CDKAL1: variants seen among roughly 807,000 people sequenced by gnomAD.
CDKAL1 encodes the protein threonylcarbamoyladenosine tRNA methylthiotransferase.
A neutral mutation model predicts 68.2 loss-of-function variants in CDKAL1; 32 were observed. That is an observed-to-expected ratio of 0.47 (90% CI 0.35 to 0.63). The LOEUF is 0.63. Ranked by LOEUF, CDKAL1 falls within the 30% of genes least tolerant of loss-of-function variation. The pLI, the probability that CDKAL1 is intolerant of heterozygous loss-of-function variation, is 0.00. For missense variants in CDKAL1, 606 were observed against 696.7 expected (o/e 0.87, Z 1.47); for synonymous variants, 234 against 244.3 (o/e 0.96, Z 0.39).
chr6:21,009,370 A>G (rs1767895036), intron 11 of CDKAL1, among the ~76,000 whole-genome samples: 1 of 152,230 alleles, frequency 6.6e-6, no homozygotes, highest in Non-Finnish European at 1.5e-5. Flanking sequence ...TGGACATTTA[A>G]TACAACATTC....
intron 5 of CDKAL1, among the ~76,000 whole-genome samples, chr6:20,699,855 T>C (rs1318737143): frequency 1.3e-5 from 2 of 152,216 alleles, no homozygotes; most frequent in Admixed American, 6.5e-5. Flanking sequence ...ATTTTACCTG[T>C]CTACTGAGTT....
chr6:21,061,244 C>G (rs1488621368), intron 11 of CDKAL1, among the ~76,000 whole-genome samples: 2 of 152,066 alleles, frequency 1.3e-5, no homozygotes, highest in South Asian at 2.1e-4. Context: ...ACCTTTCTTA[C>G]TCCATTCCCA....
intron 9 of CDKAL1, among the ~76,000 whole-genome samples, chr6:20,953,037 TC>T (rs1764610919): frequency 6.6e-6 from 1 of 152,244 alleles, no homozygotes. Context: ...TCTCCTCAAG[TC>T]CAAGGGTTTC....
chr6:20,662,560 C>G (rs1769337987), intron 5 of CDKAL1, among the ~76,000 whole-genome samples: 1 of 152,132 alleles, frequency 6.6e-6, no homozygotes, highest in Admixed American at 6.6e-5. Flanking sequence ...TGCAGCACCA[C>G]TGTGTGTGGC....
At chr6:21,038,870 A>G (rs183105671) in intron 11 of CDKAL1, among the ~76,000 whole-genome samples, 1,683 of 152,274 alleles carry the variant, frequency 0.011, 12 homozygotes, top group Middle Eastern at 0.02. Context: ...TACTTTTCTC[A>G]TCTATGAATG....
intron 10 of CDKAL1, among the ~76,000 whole-genome samples, chr6:20,988,875 G>C (rs1375428393): frequency 6.7e-6 from 1 of 150,238 alleles, no homozygotes; most frequent in African/African-American, 2.4e-5. Flanking sequence ...GGCCAGGATG[G>C]TCTTGATCTC....
chr6:20,778,222 A>G (rs1775259130), intron 7 of CDKAL1, among the ~76,000 whole-genome samples: 2 of 152,218 alleles, frequency 1.3e-5, no homozygotes, highest in Admixed American at 1.3e-4. Context: ...TAATATAGCT[A>G]AAGAGTTCTT....
chr6:20,804,259 A>T (rs192794800), intron 8 of CDKAL1, among the ~76,000 whole-genome samples: 149 of 152,352 alleles, frequency 9.8e-4, no homozygotes, highest in Non-Finnish European at 1.6e-3. Flanking sequence ...ATGATGAAAT[A>T]CAGAAACAGT....
At chr6:20,629,454 G>A (rs1422361909) in intron 4 of CDKAL1, among the ~76,000 whole-genome samples, 1 of 152,160 alleles carries the variant, frequency 6.6e-6, no homozygotes, top group African/African-American at 2.4e-5. Flanking sequence ...GGTTCTTTGA[G>A]GCTATGTAAA....
intron 6 of CDKAL1, among the ~76,000 whole-genome samples, chr6:20,753,192 A>G (rs1774005070): frequency 6.6e-6 from 1 of 152,138 alleles, no homozygotes; most frequent in Non-Finnish European, 1.5e-5. Context: ...TGCCCATCCA[A>G]AGACAATCAC....
chr6:21,164,483 A>G (rs1478054533), intron 13 of CDKAL1, among the ~76,000 whole-genome samples: 1 of 150,380 alleles, frequency 6.6e-6, no homozygotes, highest in Admixed American at 6.6e-5. Flanking sequence ...TTCAACCATA[A>G]CACACACAGA....
At chr6:20,612,991 A>ACACACACG (rs1766691785) in intron 4 of CDKAL1, among the ~76,000 whole-genome samples, 1 of 642 alleles carries the variant, frequency 1.6e-3, no homozygotes, top group South Asian at 0.033. Context: ...TGCAATTTCT[A>ACACACACG]CACACACACA....
intron 5 of CDKAL1, among the ~76,000 whole-genome samples, chr6:20,719,162 A>C (rs9358358): frequency 0.19 from 28,923 of 152,088 alleles, 3,201 homozygotes; most frequent in East Asian, 0.47. Flanking sequence ...GAAAGAGAAG[A>C]GTGAAGTTAC....
intron 10 of CDKAL1, among the ~76,000 whole-genome samples, chr6:20,994,716 T>G (rs1484578747): frequency 6.6e-6 from 1 of 152,256 alleles, no homozygotes; most frequent in Non-Finnish European, 1.5e-5. Flanking sequence ...TTATACTATA[T>G]TATAGTCTAG....
chr6:21,124,103 C>A (rs1774865151), intron 13 of CDKAL1, among the ~76,000 whole-genome samples: 1 of 152,178 alleles, frequency 6.6e-6, no homozygotes, highest in Non-Finnish European at 1.5e-5. Flanking sequence ...GATGAAAAAT[C>A]ATTTTCAAAT....
intron 13 of CDKAL1, among the ~76,000 whole-genome samples, chr6:21,136,207 G>A (rs79171465): frequency 0.011 from 1,750 of 152,278 alleles, 44 homozygotes; most frequent in African/African-American, 0.039. Flanking sequence ...TAGTGTCATA[G>A]CACAGATTTA....
intron 8 of CDKAL1, among the ~76,000 whole-genome samples, chr6:20,824,594 G>A (rs1180661559): frequency 1.3e-5 from 2 of 152,202 alleles, no homozygotes; most frequent in Non-Finnish European, 2.9e-5. Flanking sequence ...CCATAGGGCA[G>A]CCTACAACAT....
In CDKAL1 at chr6:21,231,242, C is replaced by T. The variant is rs562024149; in HGVS notation, c.*203C>T. On this transcript the variant is annotated 3_prime_UTR_variant, in exon 16 of 16. Coordinates refer to ENST00000274695, the MANE Select transcript of CDKAL1 (RefSeq NM_017774.3). ...GGTTATTTGACCTAAAACCTAATCA[C>T]CGCTACCATAGCACATCCTTCAAAT... 6.7e-5 allele frequency: 29 copies of T among 435,872 alleles called. No homozygotes were observed. Among genetic ancestry groups the T allele is most frequent in the Admixed American group, 3.8e-5 (1 of 26,074 alleles). The allele number at this position is 435,872 out of a possible 1,614,324, so 27.0% of individuals were successfully genotyped here. A position where few individuals can be genotyped will look rare whatever the true frequency, so the allele number is the denominator to read the frequency against.
intron 5 of CDKAL1, among the ~76,000 whole-genome samples, chr6:20,680,325 C>T (rs1422311299): frequency 6.6e-6 from 1 of 152,200 alleles, no homozygotes; most frequent in Non-Finnish European, 1.5e-5. Flanking sequence ...CTTCAGCCTC[C>T]CAAAGTCCTG....
Sources: gnomAD v4.1 joint callset for allele counts (sites outside exome capture counted in the v4.1 genomes callset) on GRCh38, gnomAD v4.1.1 for gene constraint, MANE v1.5 for transcripts, NCBI Gene and HGNC (gene_info 2026-07-23, HGNC 2026-07-21) for gene names.